PABPC4L: variants seen among roughly 807,000 people sequenced by gnomAD.
The protein encoded by PABPC4L is poly(A) binding protein cytoplasmic 4 like.
For missense variants in PABPC4L, 452 were observed against 451.4 expected (o/e 1.00, Z -0.01); for synonymous variants, 169 against 164.1 (o/e 1.03, Z -0.23).
chr4:134,107,169 A>G, the PABPC4L span, among the ~76,000 whole-genome samples: 135 of 151,410 alleles, frequency 8.9e-4, no homozygotes, highest in Non-Finnish European at 1.4e-3. Context: ...ATTTACCTAC[A>G]GTTACACAAA....
chr4:134,102,328 AG>A, the PABPC4L span, among the ~76,000 whole-genome samples: 1 of 151,468 alleles, frequency 6.6e-6, no homozygotes, highest in Non-Finnish European at 1.5e-5. Context: ...AGCTCATAAA[AG>A]TGCTATGAAA....
chr4:134,079,356 C>T, the PABPC4L span, among the ~76,000 whole-genome samples: 1 of 150,760 alleles, frequency 6.6e-6, no homozygotes, highest in Non-Finnish European at 1.5e-5. Flanking sequence ...CTGAGACAGG[C>T]GGATCACGAG....
chr4:133,982,089 C>T, the PABPC4L span, among the ~76,000 whole-genome samples: 6 of 151,910 alleles, frequency 3.9e-5, no homozygotes, highest in Non-Finnish European at 7.4e-5. Flanking sequence ...TTTGCCTTGC[C>T]ATCAAAAACC....
the PABPC4L span, among the ~76,000 whole-genome samples, chr4:134,187,264 T>G: frequency 1.3e-5 from 2 of 151,968 alleles, no homozygotes; most frequent in Non-Finnish European, 2.9e-5. Flanking sequence ...TGTGGCACTA[T>G]TCACAATAGC....
the PABPC4L span, among the ~76,000 whole-genome samples, chr4:134,159,228 C>A: frequency 6.6e-6 from 1 of 152,078 alleles, no homozygotes; most frequent in African/African-American, 2.4e-5. Context: ...CAATAATAAA[C>A]GTAGGTAATT....
At chr4:134,074,712 C>T in the PABPC4L span, among the ~76,000 whole-genome samples, 4 of 152,152 alleles carry the variant, frequency 2.6e-5, no homozygotes, top group African/African-American at 9.7e-5. Flanking sequence ...AGAAAACTTA[C>T]AATCATGGTA....
the PABPC4L span, among the ~76,000 whole-genome samples, chr4:133,962,627 T>C: frequency 6.6e-6 from 1 of 152,170 alleles, no homozygotes; most frequent in South Asian, 2.1e-4. Flanking sequence ...AGTAGATTTC[T>C]CAGTAGAAAT....
the PABPC4L span, among the ~76,000 whole-genome samples, chr4:134,122,677 G>T: frequency 6.6e-6 from 1 of 151,656 alleles, no homozygotes; most frequent in East Asian, 1.9e-4. Flanking sequence ...TCATTAAAAG[G>T]GAACTCAATT....
the PABPC4L span, among the ~76,000 whole-genome samples, chr4:134,078,666 T>C: frequency 6.6e-6 from 1 of 150,746 alleles, no homozygotes; most frequent in Admixed American, 6.6e-5. Flanking sequence ...TTTTTTTTTT[T>C]TTCAGACGGA....
chr4:133,985,362 C>A, the PABPC4L span, among the ~76,000 whole-genome samples: 1 of 151,948 alleles, frequency 6.6e-6, no homozygotes, highest in African/African-American at 2.4e-5. Flanking sequence ...CTCCTTGCTT[C>A]ATATTCAATC....
the PABPC4L span, among the ~76,000 whole-genome samples, chr4:134,044,420 C>G: frequency 6.6e-6 from 1 of 152,132 alleles, no homozygotes; most frequent in East Asian, 1.9e-4. Flanking sequence ...TCCGCCACCA[C>G]GCCTGGCTAA....
the PABPC4L span, among the ~76,000 whole-genome samples, chr4:133,993,476 T>C: frequency 4.6e-5 from 7 of 152,262 alleles, no homozygotes; most frequent in Non-Finnish European, 1.0e-4. Context: ...AGGAAGAGCA[T>C]AAGCACTAAT....
rs1331660621 is a variant in PABPC4L at position 134,201,708 on chromosome 4, G to A, written c.-227+10C>T. ...CGAAGCGGGCGGCCAGGCGGGGGCT[G>A]GGGGCTCACCGGCGGTCGTCTGCGG... On this transcript the variant is annotated intron_variant, in intron 1 of 1. Transcript: ENST00000421491. 1 of 152,592 alleles carries A rather than the reference G, an allele frequency of 6.6e-6. No individual in the cohort carries two copies. The highest frequency in any genetic ancestry group is 2.4e-5 in the African/African-American group (1 of 41,468). 9.5% of individuals were successfully genotyped at this position (152,592 alleles called of 1,614,324 possible). A position where few individuals can be genotyped will look rare whatever the true frequency, so the allele number is the denominator to read the frequency against.
the PABPC4L span, among the ~76,000 whole-genome samples, chr4:134,174,043 A>T: frequency 2.6e-5 from 4 of 152,036 alleles, no homozygotes; most frequent in African/African-American, 9.7e-5. Context: ...CTTATTCAAT[A>T]AGCTTCTTTC....
At chr4:134,187,976 T>G in the PABPC4L span, among the ~76,000 whole-genome samples, 4 of 152,248 alleles carry the variant, frequency 2.6e-5, no homozygotes, top group Admixed American at 2.6e-4. Context: ...TTAGTGCTTA[T>G]GATTTCCCTC....
the PABPC4L span, among the ~76,000 whole-genome samples, chr4:134,024,442 T>C: frequency 2.6e-5 from 4 of 152,170 alleles, no homozygotes; most frequent in African/African-American, 9.6e-5. Flanking sequence ...CTACTCTTCC[T>C]GACCTGCAGA....
At chr4:134,044,440 T>A in the PABPC4L span, among the ~76,000 whole-genome samples, 1 of 151,866 alleles carries the variant, frequency 6.6e-6, no homozygotes, top group Non-Finnish European at 1.5e-5. Context: ...ATTTTTTGTA[T>A]TTTTTAATAG....
chr4:134,186,876 G>A, the PABPC4L span, among the ~76,000 whole-genome samples: 1 of 151,970 alleles, frequency 6.6e-6, no homozygotes, highest in East Asian at 1.9e-4. Flanking sequence ...TCAAAAAGTG[G>A]GCAAAGGATA....
chr4:134,151,084 A>G, the PABPC4L span, among the ~76,000 whole-genome samples: 1 of 152,150 alleles, frequency 6.6e-6, no homozygotes, highest in African/African-American at 2.4e-5. Context: ...AAGTAGCCAG[A>G]AGTATAGTAT....
Sources: allele counts gnomAD v4.1 joint callset (sites outside exome capture counted in the v4.1 genomes callset), GRCh38; gene constraint gnomAD v4.1.1; transcripts MANE v1.5; gene names NCBI Gene and HGNC (gene_info 2026-07-23, HGNC 2026-07-21).